Variants in DCDC1 observed in about 807,000 individuals in gnomAD.
The protein encoded by DCDC1 is doublecortin domain containing 1.
DCDC1 carries 200 observed loss-of-function variants against 178.3 expected under a neutral mutation model. The ratio of observed to expected loss-of-function variants is 1.12; its 90% confidence interval spans 1.00 to 1.26. The LOEUF (loss-of-function observed/expected upper bound fraction) is 1.26, where lower values mean the gene tolerates loss of function less well. DCDC1 is among the 50% of genes most tolerant of loss of function. The probability of loss-of-function intolerance (pLI) is 0.00; values close to 1 mark genes in which losing one functional copy is unlikely to be tolerated. For missense variants in DCDC1, 1,983 were observed against 1,749.2 expected (o/e 1.13, Z -2.38); for synonymous variants, 690 against 604.8 (o/e 1.14, Z -2.07).
chr11:31,230,669 A>G (rs1346751395), intron 9 of DCDC1, among the ~76,000 whole-genome samples: 1 of 152,188 alleles, frequency 6.6e-6, no homozygotes, highest in Non-Finnish European at 1.5e-5. Flanking sequence ...TTTTACTCAC[A>G]TGCTATCTCA....
chr11:30,923,697 C>A (rs1565080876), intron 23 of DCDC1, among the ~76,000 whole-genome samples: 1 of 151,792 alleles, frequency 6.6e-6, no homozygotes, highest in Admixed American at 6.6e-5. Flanking sequence ...CGGCTCACTG[C>A]AACCTCTGCC....
intron 9 of DCDC1, among the ~76,000 whole-genome samples, chr11:31,158,284 ATT>A (rs980546671): frequency 3.0e-5 from 4 of 135,482 alleles, no homozygotes. Context: ...AATTTTTTGC[ATT>A]TTTTTTTTTT....
intron 30 of DCDC1, among the ~76,000 whole-genome samples, chr11:30,905,541 T>C (rs1944999164): frequency 1.3e-5 from 2 of 152,156 alleles, no homozygotes; most frequent in African/African-American, 4.8e-5. Context: ...GATTCCACCA[T>C]ATGGTGGAAG....
chr11:31,253,356 A>ATTTTTT (rs1357132704), intron 8 of DCDC1, among the ~76,000 whole-genome samples: 1 of 134,698 alleles, frequency 7.4e-6, no homozygotes. Flanking sequence ...AGTTTTGGAG[A>ATTTTTT]TTTTTTTTTT....
At chr11:31,327,311 G>A (rs941363925) in intron 3 of DCDC1, among the ~76,000 whole-genome samples, 20 of 152,012 alleles carry the variant, frequency 1.3e-4, no homozygotes, top group Non-Finnish European at 2.8e-4. Context: ...TGGGATTACA[G>A]GCATACACCA....
chr11:30,921,056 G>C (rs1363859311), intron 24 of DCDC1, 121 bp from the exon 25 acceptor site: 1 of 976,450 alleles, frequency 1.0e-6, no homozygotes, highest in Non-Finnish European at 1.4e-6. Flanking sequence ...CTATTCATAG[G>C]TTACTTATTA....
At chr11:31,133,355 G>A (rs549355483) in intron 10 of DCDC1, among the ~76,000 whole-genome samples, 2 of 152,280 alleles carry the variant, frequency 1.3e-5, no homozygotes, top group African/African-American at 4.8e-5. Context: ...ACACGGAATG[G>A]TCTCAAAGCC....
intron 20 of DCDC1, among the ~76,000 whole-genome samples, chr11:30,973,896 C>T (rs1230908622): frequency 1.3e-5 from 2 of 151,728 alleles, no homozygotes; most frequent in African/African-American, 4.9e-5. Context: ...GGACTAAACA[C>T]TTTTACAGGA....
At chr11:31,204,922 G>A (rs1971699520) in intron 9 of DCDC1, among the ~76,000 whole-genome samples, 1 of 152,166 alleles carries the variant, frequency 6.6e-6, no homozygotes, top group Non-Finnish European at 1.5e-5. Flanking sequence ...CTACTTTGTT[G>A]CAGACCCTTC....
intron 8 of DCDC1, among the ~76,000 whole-genome samples, chr11:31,244,662 C>G (rs1430711141): frequency 2.6e-5 from 4 of 151,630 alleles, no homozygotes; most frequent in Non-Finnish European, 5.9e-5. Context: ...TTAAGCTAAC[C>G]CTCAACATTT....
At chr11:31,252,708 A>T (rs907509725) in intron 8 of DCDC1, among the ~76,000 whole-genome samples, 2 of 152,142 alleles carry the variant, frequency 1.3e-5, no homozygotes, top group African/African-American at 4.8e-5. Flanking sequence ...ACCTCGAAAC[A>T]CTTAAATGAT....
chr11:30,900,947 T>A lies in DCDC1; in HGVS notation c.4511-449A>T, dbSNP rs1248777131. Among the ~76,000 whole-genome samples the A allele has an allele frequency of 2.0e-5, 3 of 152,128 alleles. No individual in the cohort carries two copies. In the East Asian group the frequency reaches 5.8e-4, roughly 29 times the overall value. On this transcript the variant is annotated intron_variant, in intron 32 of 38. Transcript: ENST00000684477. ...AAAGTAATATGCTTAGAAGAAATAG[T>A]GTTTGGTCTATTTACTCTGATGAAC...
intron 9 of DCDC1, among the ~76,000 whole-genome samples, chr11:31,150,530 C>A (rs1205963552): frequency 6.6e-6 from 1 of 152,090 alleles, no homozygotes; most frequent in African/African-American, 2.4e-5. Flanking sequence ...AACCGTCTTT[C>A]TTTTTAATTT....
chr11:30,991,989 GC>G (rs1210151558), intron 20 of DCDC1, among the ~76,000 whole-genome samples: 99 of 152,268 alleles, frequency 6.5e-4, no homozygotes, highest in African/African-American at 2.3e-3. Context: ...CCTAGTATGT[GC>G]CATGCACTTC....
rs1334052606 is a variant in DCDC1 at position 30,943,492 on chromosome 11, T to C, written c.2715+8953A>G. 8.9e-6 allele frequency: 3 copies of C among 337,968 alleles called. No individual in the cohort carries two copies. In the East Asian group the frequency reaches 2.3e-4, roughly 26 times the overall value. The allele number at this position is 337,968 out of a possible 1,614,324, so 20.9% of individuals were successfully genotyped here. On this transcript the variant is annotated intron_variant, in intron 21 of 38. Coordinates refer to ENST00000684477, the MANE Select transcript of DCDC1 (RefSeq NM_001387274.1). ...TAATTTAGATACTTTAAAATAACTA[T>C]CCAACAGCTCATTCCAAAATCGTAC...
At chr11:31,214,232 C>G (rs1973241823) in intron 9 of DCDC1, among the ~76,000 whole-genome samples, 1 of 151,948 alleles carries the variant, frequency 6.6e-6, no homozygotes, top group Admixed American at 6.6e-5. Flanking sequence ...TATAATCTCC[C>G]AGACTATTAC....
At chr11:31,130,030 G>A (rs1962223266) in intron 10 of DCDC1, among the ~76,000 whole-genome samples, 1 of 152,022 alleles carries the variant, frequency 6.6e-6, no homozygotes, top group Middle Eastern at 3.2e-3. Flanking sequence ...CCAACACTCT[G>A]ATCCCACAAA....
chr11:31,181,174 C>T (rs2136285736), intron 9 of DCDC1, among the ~76,000 whole-genome samples: 1 of 152,332 alleles, frequency 6.6e-6, no homozygotes, highest in South Asian at 2.1e-4. Context: ...GATTCCTCCT[C>T]TCTGGGCAGG....
At chr11:31,305,471 A>G (rs1198726839) in intron 6 of DCDC1, 144 bp downstream of exon 6, 1 of 1,080,262 alleles carries the variant, frequency 9.3e-7, no homozygotes, top group Non-Finnish European at 1.3e-6. Context: ...CATTAAGCAC[A>G]TTATCCTCTT....
Sources: allele counts gnomAD v4.1 joint callset (sites outside exome capture counted in the v4.1 genomes callset), GRCh38; gene constraint gnomAD v4.1.1; transcripts MANE v1.5; gene names NCBI Gene and HGNC (gene_info 2026-07-23, HGNC 2026-07-21).